NHS: variants seen among roughly 807,000 people sequenced by gnomAD.
NHS encodes NHS actin remodeling regulator.
NHS carries 5 observed loss-of-function variants against 72.5 expected under a neutral mutation model. That is an observed-to-expected ratio of 0.07 (90% CI 0.04 to 0.14). The LOEUF (loss-of-function observed/expected upper bound fraction) is 0.14, where lower values mean the gene tolerates loss of function less well. Ranked by LOEUF, NHS falls within the 10% of genes least tolerant of loss-of-function variation. NHS has a pLI of 1.00. For synonymous variants in NHS, 464 were observed against 547.7 expected (o/e 0.85, Z 2.13); for missense variants, 1,072 against 1,355.7 (o/e 0.79, Z 3.29).
chrX:17,484,993 G>T (rs2064961651), intron 1 of NHS, among the ~76,000 whole-genome samples: 1 of 111,969 alleles, frequency 8.9e-6, no homozygotes, highest in African/African-American at 3.3e-5. Flanking sequence ...AATAAGTGGT[G>T]TGAGAGGCTC....
At chrX:17,511,096 A>G (rs971050410) in intron 1 of NHS, among the ~76,000 whole-genome samples, 1 of 111,931 alleles carries the variant, frequency 8.9e-6, no homozygotes, top group African/African-American at 3.2e-5. Flanking sequence ...AAGCTGAGTT[A>G]TCTCTAGGAA....
intron 1 of NHS, among the ~76,000 whole-genome samples, chrX:17,533,048 A>G (rs1000507130): frequency 9.0e-6 from 1 of 111,718 alleles, no homozygotes; most frequent in African/African-American, 3.3e-5. Flanking sequence ...ACCTACGTGG[A>G]TTTTTCTATA....
chrX:17,584,361 CT>C (rs1282968413), intron 1 of NHS, among the ~76,000 whole-genome samples: 1 of 111,489 alleles, frequency 9.0e-6, no homozygotes, highest in Non-Finnish European at 1.9e-5. Context: ...GCTACTGCTC[CT>C]GCTTTCTGGG....
Position 17,610,264 on chromosome X carries a change from G to T in NHS, c.566-77478G>T, listed in dbSNP as rs1335224609. 3.6e-5 allele frequency among the ~76,000 whole-genome samples: 4 copies of T among 111,569 alleles called. No homozygotes were observed. In the East Asian group the frequency reaches 1.1e-3, roughly 31 times the overall value. ...CTTTTAACTGAATTGTGTATTATGGGTCTATAAAAATAGGACAAGGAAAAA... is the reference window on the plus strand; with the variant it reads ...CTTTTAACTGAATTGTGTATTATGGTTCTATAAAAATAGGACAAGGAAAAA... On this transcript the variant is annotated intron_variant, in intron 1 of 8. Coordinates refer to ENST00000676302, the MANE Select transcript of NHS (RefSeq NM_001291867.2).
rs774333753 is a variant in NHS, at chrX:17,734,280, G to A, written c.*1816G>A. 8.9e-6 allele frequency: 1 copy of A among 112,358 alleles called. No individual in the cohort carries two copies. The highest frequency in any genetic ancestry group is 3.7e-4 in the South Asian group (1 of 2,716). 9.3% of individuals were successfully genotyped at this position (112,358 alleles called of 1,213,427 possible). ...CATGCAAAATGAAGGAGGAAGCCTG[G>A]TCTAAGAAGATACTGTCTTTCAATA... On this transcript the variant is annotated 3_prime_UTR_variant, in exon 9 of 9. Transcript: ENST00000676302.
At chrX:17,601,257 A>G (rs16980652) in intron 1 of NHS, among the ~76,000 whole-genome samples, 4,046 of 111,774 alleles carry the variant, frequency 0.036, 154 homozygotes, top group African/African-American at 0.094. Context: ...ATGAATACCT[A>G]GGTGAGGAAG....
chrX:17,514,263 G>A (rs1388451396), intron 1 of NHS, among the ~76,000 whole-genome samples: 1 of 112,394 alleles, frequency 8.9e-6, no homozygotes, highest in African/African-American at 3.2e-5. Context: ...CAGTAGACTG[G>A]GAGAGGCAGA....
chrX:17,615,161 C>CTA (rs1277760699), intron 1 of NHS, among the ~76,000 whole-genome samples: 4 of 39,250 alleles, frequency 1.0e-4, no homozygotes, highest in East Asian at 4.9e-3. Flanking sequence ...TGTATATATA[C>CTA]TATATATATA....
At chrX:17,606,724 A>G (rs973701839) in intron 1 of NHS, among the ~76,000 whole-genome samples, 3 of 111,886 alleles carry the variant, frequency 2.7e-5, no homozygotes, top group African/African-American at 9.8e-5. Flanking sequence ...TAAGTTTCAG[A>G]AGACTGGAGC....
intron 1 of NHS, among the ~76,000 whole-genome samples, chrX:17,422,575 C>T (rs1484642085): frequency 9.0e-6 from 1 of 111,635 alleles, no homozygotes; most frequent in African/African-American, 3.3e-5. Context: ...TGTTTAGCCA[C>T]ACCCCTGTTC....
intron 1 of NHS, 61 bp from the exon 2 acceptor site, chrX:17,687,681 G>T: frequency 8.5e-7 from 1 of 1,180,165 alleles, no homozygotes; most frequent in South Asian, 1.8e-5. Flanking sequence ...CCCACCCCAG[G>T]GTTGGCCAAA....
rs146457764 is a variant in NHS, at chrX:17,560,726, C to T, written c.566-127016C>T. Among the ~76,000 whole-genome samples, 61 of 112,531 alleles carry T rather than the reference C, an allele frequency of 5.4e-4. 1 individual carries two copies. Among genetic ancestry groups the T allele is most frequent in the African/African-American group, 1.7e-3 (54 of 30,997 alleles). Reference sequence around the variant, plus strand: ...CCCCAGCATAAAGATTTGCAAGAACCGAATGCTCCCTTATTTTCTCTCTGC... The same window carrying T: ...CCCCAGCATAAAGATTTGCAAGAACTGAATGCTCCCTTATTTTCTCTCTGC... On this transcript the variant is annotated intron_variant, in intron 1 of 8. Transcript: ENST00000676302.
chrX:17,681,083 G>T (rs951334467), intron 1 of NHS, among the ~76,000 whole-genome samples: 1 of 111,972 alleles, frequency 8.9e-6, no homozygotes, highest in African/African-American at 3.2e-5. Context: ...GAGGTCACAG[G>T]CTCCCCAGTT....
rs2066448444 is a variant in NHS at position 17,726,854 on chromosome X, C to A, written c.2748C>A (p.Asn916Lys). 1 of 1,210,178 alleles carries A rather than the reference C, an allele frequency of 8.3e-7. No individual in the cohort carries two copies. Among genetic ancestry groups the A allele is most frequent in the Admixed American group, 2.2e-5 (1 of 45,776 alleles). The change falls in exon 7 of 9, where the codon AAC (asparagine) becomes AAA (lysine). Residue 916 changes from asparagine to lysine, a missense_variant. Asn to Lys is a moderately conservative substitution (Grantham distance 94). Coordinates refer to ENST00000676302, the MANE Select transcript of NHS (RefSeq NM_001291867.2). The stretch of plus-strand genomic sequence containing the variant: ...CCAAGCAGGAACCTTCTTGGATAAA[C>A]CAGAGTGAACAAGGCATTAAGGAAC... ...LPTKQEPSWI[N>K]QSEQGIKEPQ...
intron 1 of NHS, among the ~76,000 whole-genome samples, chrX:17,660,242 G>A (rs1399707587): frequency 9.0e-6 from 1 of 111,647 alleles, no homozygotes. Flanking sequence ...TGTGTAGTCC[G>A]TTACCACTGT....
intron 1 of NHS, among the ~76,000 whole-genome samples, chrX:17,458,262 C>T (rs190025811): frequency 8.9e-6 from 1 of 111,822 alleles, no homozygotes; most frequent in Non-Finnish European, 1.9e-5. Flanking sequence ...GTGTCTTGCT[C>T]TGTGTCCCAG....
Position 17,735,280 on chromosome X carries a change from T to G in NHS, c.*2816T>G, listed in dbSNP as rs145282962. The G allele has an allele frequency of 0.064, 7,171 of 112,553 alleles. 444 individuals carry two copies. Among genetic ancestry groups the G allele is most frequent in the African/African-American group, 0.19 (5,798 of 30,761 alleles). The allele number at this position is 112,553 out of a possible 1,213,427, so 9.3% of individuals were successfully genotyped here. A position where few individuals can be genotyped will look rare whatever the true frequency, so the allele number is the denominator to read the frequency against. ...TCTGGAATATTCTACATGGCTTGAT[T>G]ACATAGCAAACAAGACCAAGATTTA... On this transcript the variant is annotated 3_prime_UTR_variant, in exon 9 of 9. Transcript: ENST00000676302.
Position 17,556,725 on chromosome X carries a change from G to T in NHS, c.566-131017G>T, listed in dbSNP as rs769863131. On this transcript the variant is annotated intron_variant, in intron 1 of 8. Coordinates refer to ENST00000676302, the MANE Select transcript of NHS (RefSeq NM_001291867.2). ...CATTCCAAGAATCAGTTTAGATAAT[G>T]ATATAATAATTACCATCAGTAGCAT... is the stretch of plus-strand genomic sequence containing the variant. Among the ~76,000 whole-genome samples, 5 of 112,197 alleles carry T rather than the reference G, an allele frequency of 4.5e-5. No individual in the cohort carries two copies. The East Asian group carries it at 1.4e-3, about 31-fold the overall frequency.
chrX:17,378,059 C>CGTGTGTGT (rs34807039), intron 1 of NHS, among the ~76,000 whole-genome samples: 1,136 of 101,035 alleles, frequency 0.011, 17 homozygotes, highest in African/African-American at 0.04. Flanking sequence ...ATACATTTCC[C>CGTGTGTGT]GTGTGTGTGT....
Sources: gnomAD v4.1 joint callset for allele counts (sites outside exome capture counted in the v4.1 genomes callset) on GRCh38, gnomAD v4.1.1 for gene constraint, MANE v1.5 for transcripts, NCBI Gene and HGNC (gene_info 2026-07-23, HGNC 2026-07-21) for gene names.